Variants in CDKN2A observed in about 807,000 individuals in gnomAD.
The protein encoded by CDKN2A is cyclin-dependent kinase inhibitor 2A.
A neutral mutation model predicts 11.1 loss-of-function variants in CDKN2A; 3 were observed. The ratio of observed to expected loss-of-function variants is 0.27; its 90% CI spans 0.12 to 0.70. CDKN2A has a LOEUF of 0.70. CDKN2A is among the 30% of genes least tolerant of loss of function. The probability of loss-of-function intolerance (pLI) is 0.77; values close to 1 mark genes in which losing one functional copy is unlikely to be tolerated. For synonymous variants in CDKN2A, 122 were observed against 108.1 expected (o/e 1.13, Z -0.80); for missense variants, 265 against 233.6 (o/e 1.13, Z -0.88).
chr9:21,991,217 C>T lies in CDKN2A; in HGVS notation c.-4+2665G>A, dbSNP rs190536810. The stretch of plus-strand genomic sequence containing the variant: ...AGGGCAAGCTTGTCCAACCTGTGGG[C>T]CCGAGGGTCACATGCAGCCCAGGAT... On this transcript the variant is annotated intron_variant, in intron 2 of 3. Transcript: ENST00000494262. This position sits in a 1 kb window ranked among gnomAD's most constrained non-coding sequence, Gnocchi z 5.2. Among the ~76,000 whole-genome samples, 9 of 152,140 alleles carry T rather than the reference C, an allele frequency of 5.9e-5. No homozygotes were observed. The highest frequency in any genetic ancestry group is 3.9e-4 in the Admixed American group (6 of 15,286).
upstream of CDKN2A, chr9:21,974,938 T>G: frequency 1.4e-6 from 2 of 1,424,680 alleles, no homozygotes; most frequent in Non-Finnish European, 1.8e-6. The surrounding 1 kb of genome is among the most constrained non-coding windows in gnomAD (Gnocchi z 5.2). Context: ...CTTCCTCCGG[T>G]GCTGGCGGAA....
rs1060504187 is a variant in CDKN2A at position 21,971,032 on chromosome 9, G to A, written c.327C>T (p.Ala109=). The part of the protein sequence containing the change: ...RAGARLDVRD[A]WGRLPVDLAE... ...CCAGGTCCACGGGCAGACGGCCCCA[G>A]GCATCGCGCACGTCCAGCCGCGCCC... Residue 109 remains alanine (A), a synonymous_variant, in exon 2 of 3, where the codon GCC becomes GCT. Coordinates refer to ENST00000304494, the MANE Select transcript of CDKN2A (RefSeq NM_000077.5). 6.2e-7 allele frequency: 1 copy of A among 1,606,494 alleles called. No individual in the cohort carries two copies. The highest frequency in any genetic ancestry group is 1.1e-5 in the South Asian group (1 of 90,948).
At chr9:21,971,426 G>A in intron 1 of CDKN2A, 2 of 1,417,810 alleles carry the variant, frequency 1.4e-6, no homozygotes, top group Non-Finnish European at 9.2e-7. Flanking sequence ...CTTCTGCGGA[G>A]CTGTCGTCAC....
intron 2 of CDKN2A, among the ~76,000 whole-genome samples, chr9:21,983,541 A>T (rs1200773706): frequency 1.3e-5 from 2 of 152,096 alleles, no homozygotes; most frequent in Non-Finnish European, 2.9e-5. Context: ...TCTAATTGCT[A>T]CTAAAAATAG....
At chr9:21,979,015 A>G (rs150797248), upstream of CDKN2A, among the ~76,000 whole-genome samples, 1 of 152,364 alleles carries the variant, frequency 6.6e-6, no homozygotes, top group East Asian at 1.9e-4. Flanking sequence ...ACAGAATGAT[A>G]CAAGAAAATG....
At chr9:21,981,016 A>ACACGTG (rs1820170238) in intron 2 of CDKN2A, among the ~76,000 whole-genome samples, 1 of 83,216 alleles carries the variant, frequency 1.2e-5, no homozygotes, top group African/African-American at 5.0e-5. Flanking sequence ...GTATATATAT[A>ACACGTG]TATACGTGTA....
rs878853646 is a variant in CDKN2A at position 21,971,106 on chromosome 9, C to T, written c.253G>A (p.Ala85Thr). 3 of 1,604,466 alleles carry T rather than the reference C, an allele frequency of 1.9e-6. No individual in the cohort carries two copies. Among genetic ancestry groups the T allele is most frequent in the Non-Finnish European group, 1.7e-6 (2 of 1,179,570 alleles). ...PATLTRPVHDAAREGFLDTLV... is the reference protein window; with the variant it reads ...PATLTRPVHDTAREGFLDTLV... ...GTGTCCAGGAAGCCCTCCCGGGCAG[C>T]GTCGTGCACGGGTCGGGTGAGAGTG... The change falls in exon 2 of 3, where the codon GCT (alanine) becomes ACT (threonine). Residue 85 changes from alanine (A) to threonine (T), a missense_variant. Coordinates refer to ENST00000304494, the MANE Select transcript of CDKN2A (RefSeq NM_000077.5).
intron 1 of CDKN2A, among the ~76,000 whole-genome samples, chr9:21,973,503 T>C (rs1048475853): frequency 4.6e-5 from 7 of 152,246 alleles, no homozygotes; most frequent in African/African-American, 1.4e-4. Context: ...TTCTAAGATA[T>C]TGTAGGACTA....
chr9:21,983,089 C>T (rs958157889), intron 2 of CDKN2A, among the ~76,000 whole-genome samples: 1 of 152,050 alleles, frequency 6.6e-6, no homozygotes, highest in African/African-American at 2.4e-5. Flanking sequence ...TACTGACTCT[C>T]CATTTTCAGA....
upstream of CDKN2A, among the ~76,000 whole-genome samples, chr9:21,978,516 C>A (rs1820094338): frequency 6.6e-6 from 1 of 151,960 alleles, no homozygotes; most frequent in African/African-American, 2.4e-5. Context: ...TAATGTATGT[C>A]CAAAAGCTTT....
chr9:21,992,593 A>G, intron 2 of CDKN2A: 1 of 336,406 alleles, frequency 3.0e-6, no homozygotes, highest in Non-Finnish European at 4.2e-6. Context: ...AAATCACCAC[A>G]ATGTTATGTT....
At chr9:21,994,363 G>A (rs2131149255) in intron 1 of CDKN2A, 1 of 1,607,238 alleles carries the variant, frequency 6.2e-7, no homozygotes, top group Non-Finnish European at 8.5e-7. Context: ...GAGCTCGGCA[G>A]CCGCTGCGCC....
Position 21,974,332 on chromosome 9 carries a change from C to T in CDKN2A, c.150+346G>A, listed in dbSNP as rs1436367001. ...AATTGGAGGCTAAGTAGTCCCAGCA[C>T]ATCTTACATTTCTTTAAGACTCCCT... On this transcript the variant is annotated intron_variant, in intron 1 of 2. Coordinates refer to ENST00000304494, the MANE Select transcript of CDKN2A (RefSeq NM_000077.5). This position sits in a 1 kb window ranked among gnomAD's most constrained non-coding sequence, Gnocchi z 5.2. The T allele has an allele frequency of 2.3e-6, 3 of 1,303,810 alleles. No homozygotes were observed. The highest frequency in any genetic ancestry group is 6.0e-5 in the East Asian group (2 of 33,394). The allele number at this position is 1,303,810 out of a possible 1,614,324, so 80.8% of individuals were successfully genotyped here. A position where few individuals can be genotyped will look rare whatever the true frequency, so the allele number is the denominator to read the frequency against.
rs1228897702 is a variant in CDKN2A, at chr9:21,968,730, C to T, written c.458-488G>A. The T allele has an allele frequency of 2.0e-6, 3 of 1,536,184 alleles. No individual in the cohort carries two copies. The highest frequency in any genetic ancestry group is 2.0e-5 in the Admixed American group (1 of 51,006). Reference sequence around the variant, plus strand: ...GGCGGAATCCCGTAGCTTCCCTACGCATGCCTGCTTCTACAAACCCACAAA... The same window carrying T: ...GGCGGAATCCCGTAGCTTCCCTACGTATGCCTGCTTCTACAAACCCACAAA... On this transcript the variant is annotated intron_variant, in intron 2 of 2. Coordinates refer to ENST00000304494, the MANE Select transcript of CDKN2A (RefSeq NM_000077.5). This position sits in a 1 kb window ranked among gnomAD's most constrained non-coding sequence, Gnocchi z 4.7.
intron 1 of CDKN2A, among the ~76,000 whole-genome samples, chr9:21,973,878 TTC>T (rs1563891776): frequency 6.6e-6 from 1 of 152,098 alleles, no homozygotes; most frequent in African/African-American, 2.4e-5. Flanking sequence ...TGAATAATTT[TTC>T]TCTCTCTCTT....
At chr9:21,973,905 T>G (rs2131106826) in intron 1 of CDKN2A, among the ~76,000 whole-genome samples, 1 of 152,298 alleles carries the variant, frequency 6.6e-6, no homozygotes, top group South Asian at 2.1e-4. Context: ...TCTTTCTTTC[T>G]TTCGACAAAG....
chr9:21,982,859 T>G (rs1820224830), intron 2 of CDKN2A, among the ~76,000 whole-genome samples: 1 of 148,796 alleles, frequency 6.7e-6, no homozygotes, highest in Admixed American at 6.7e-5. Context: ...TATTCTTTCT[T>G]CATAATGCAG....
chr9:21,975,729 C>T (rs3731237), upstream of CDKN2A, among the ~76,000 whole-genome samples: 112 of 152,270 alleles, frequency 7.4e-4, 1 homozygote, highest in Admixed American at 6.5e-3. Context: ...GGGAGGGAGT[C>T]ATTGGAAGGA....
exon 2 of CDKN2A, chr9:21,993,888 C>T (rs1820509664): frequency 1.8e-6 from 1 of 550,336 alleles, no homozygotes. Flanking sequence ...TCACTGACTT[C>T]TGAGGTGGGT....
Sources: allele counts gnomAD v4.1 joint callset (sites outside exome capture counted in the v4.1 genomes callset), GRCh38; gene constraint gnomAD v4.1.1; non-coding constraint Gnocchi (gnomAD v3.1); transcripts MANE v1.5; gene names NCBI Gene and HGNC (gene_info 2026-07-23, HGNC 2026-07-21).